PPME1: variants seen among roughly 807,000 people sequenced by gnomAD.
PPME1 encodes the protein protein phosphatase methylesterase 1.
Under a neutral mutation model 56.9 loss-of-function variants are expected in PPME1, and 17 were observed. That is an observed-to-expected ratio of 0.30 (90% CI 0.20 to 0.45). The LOEUF is 0.45. PPME1 is among the 20% of genes least tolerant of loss of function. The pLI, the probability that PPME1 is intolerant of heterozygous loss-of-function variation, is 1.00. For missense variants in PPME1, 357 were observed against 483.2 expected, an observed-to-expected ratio of 0.74 and a Z score of 2.45; for synonymous variants, 122 against 156.2, an observed-to-expected ratio of 0.78 and a Z score of 1.63.
chr11:74,217,838 AT>A (rs1445167795), intron 3 of PPME1, among the ~76,000 whole-genome samples: 3 of 152,298 alleles, frequency 2.0e-5, no homozygotes, highest in African/African-American at 7.2e-5. Flanking sequence ...AGGATGATAA[AT>A]GAAAAGTTGA....
Position 74,171,361 on chromosome 11 carries a change from A to G in PPME1, c.-61A>G. 6.5e-7 allele frequency: 1 copy of G among 1,550,290 alleles called. No individual in the cohort carries two copies. Among genetic ancestry groups the G allele is most frequent in the Non-Finnish European group, 8.7e-7 (1 of 1,146,120 alleles). On this transcript the variant is annotated 5_prime_UTR_variant, in exon 1 of 14. Coordinates refer to ENST00000328257, the MANE Select transcript of PPME1 (RefSeq NM_016147.3). Reference sequence around the variant, plus strand: ...GGAGCGAGTCGTGACCGGTTGGGCCACACTCAACGTGGGACGAAGCTTCGC... The same window carrying G: ...GGAGCGAGTCGTGACCGGTTGGGCCGCACTCAACGTGGGACGAAGCTTCGC...
At chr11:74,229,295 C>T (rs1337476141) in intron 5 of PPME1, among the ~76,000 whole-genome samples, 1 of 152,082 alleles carries the variant, frequency 6.6e-6, no homozygotes, top group African/African-American at 2.4e-5. Context: ...GAAGTTGAAC[C>T]AGCCACTCCC....
At position 74,200,357 on chromosome 11, in the gene PPME1, TTGTGTGTGTG is replaced by T. The variant is rs71919163; in HGVS notation, c.102-3336_102-3327del. ...TCTAGTTTATAAACAGTCATGTGTTTTGTGTGTGTGTGTGTGTGTGTGTGTGTGTGTGTGT... is the reference window on the plus strand; with the variant it reads ...TCTAGTTTATAAACAGTCATGTGTTTTGTGTGTGTGTGTGTGTGTGTGTGT... On this transcript the variant is annotated intron_variant, in intron 1 of 13. Transcript: ENST00000328257. Among the ~76,000 whole-genome samples, 1,165 of 145,910 alleles carry T rather than the reference TTGTGTGTGTG, an allele frequency of 8.0e-3. 11 individuals carry two copies. The highest frequency in any genetic ancestry group is 0.021 in the African/African-American group (846 of 39,456).
chr11:74,201,499 G>T lies in PPME1; in HGVS notation c.102-2229G>T, dbSNP rs1294629549. On this transcript the variant is annotated intron_variant, in intron 1 of 13. Transcript: ENST00000328257. ...TTACTTTTCAGAAGCATAAATGACA[G>T]CATGAGAAGATAAAAGGATGAAAGG... is the stretch of plus-strand genomic sequence containing the variant. Among the ~76,000 whole-genome samples the T allele has an allele frequency of 2.0e-5, 3 of 152,178 alleles. No homozygotes were observed. The South Asian group carries it at 6.2e-4, about 32-fold the overall frequency.
intron 1 of PPME1, among the ~76,000 whole-genome samples, chr11:74,177,468 T>G (rs959510997): frequency 6.6e-6 from 1 of 151,974 alleles, no homozygotes; most frequent in Non-Finnish European, 1.5e-5. Flanking sequence ...AAAAAAAGTC[T>G]TCTTTCTCAC....
intron 1 of PPME1, among the ~76,000 whole-genome samples, chr11:74,183,653 A>G (rs891081850): frequency 6.6e-6 from 1 of 152,178 alleles, no homozygotes; most frequent in Non-Finnish European, 1.5e-5. Flanking sequence ...GTATTGTGTC[A>G]TACTTGATAG....
intron 5 of PPME1, among the ~76,000 whole-genome samples, chr11:74,227,966 A>G (rs1042751523): frequency 2.0e-5 from 3 of 152,100 alleles, no homozygotes; most frequent in Non-Finnish European, 2.9e-5. Flanking sequence ...AACCCCTTCA[A>G]TTCAGTTAAT....
Position 74,204,474 on chromosome 11 carries a change from A to C in PPME1, c.288+29A>C. ...AGTAGGTTGTTGATAGTACAAGTTA[A>C]TGTTAGCACTTTTGAACTAATGAAA... is the stretch of plus-strand genomic sequence containing the variant. On this transcript the variant is annotated intron_variant, in intron 3 of 13. Transcript: ENST00000328257. 3 of 1,544,202 alleles carry C rather than the reference A, an allele frequency of 1.9e-6. No individual in the cohort carries two copies. The South Asian group carries it at 3.4e-5, about 18-fold the overall frequency.
chr11:74,181,030 CTT>C (rs1005872237), intron 1 of PPME1, among the ~76,000 whole-genome samples: 22 of 96,138 alleles, frequency 2.3e-4, no homozygotes, highest in African/African-American at 5.6e-4. Flanking sequence ...ATTTTCTTCA[CTT>C]TTTTTTTTTT....
At chr11:74,193,140 T>G (rs565833867) in intron 1 of PPME1, among the ~76,000 whole-genome samples, 1 of 152,360 alleles carries the variant, frequency 6.6e-6, no homozygotes, top group East Asian at 1.9e-4. Flanking sequence ...TTTCACTGTA[T>G]TAATGGTATG....
intron 4 of PPME1, among the ~76,000 whole-genome samples, chr11:74,224,094 T>C (rs1858873027): frequency 6.7e-6 from 1 of 149,896 alleles, no homozygotes; most frequent in Non-Finnish European, 1.5e-5. Context: ...ATTTAAGTCT[T>C]TAATCCATCT....
At chr11:74,174,740 G>T (rs571107657) in intron 1 of PPME1, among the ~76,000 whole-genome samples, 1 of 152,324 alleles carries the variant, frequency 6.6e-6, no homozygotes, top group East Asian at 1.9e-4. Flanking sequence ...AGTAAGTACT[G>T]TGTGCCAGAC....
chr11:74,212,808 ACT>A (rs1858515127), intron 3 of PPME1, among the ~76,000 whole-genome samples: 1 of 152,112 alleles, frequency 6.6e-6, no homozygotes, highest in Admixed American at 6.5e-5. Flanking sequence ...TCCCCTGCTG[ACT>A]AAAGAGCCTT....
At chr11:74,180,874 C>T (rs1857514632) in intron 1 of PPME1, among the ~76,000 whole-genome samples, 1 of 152,144 alleles carries the variant, frequency 6.6e-6, no homozygotes, top group South Asian at 2.1e-4. Flanking sequence ...CAAGCACCTT[C>T]ACCAAGTTTA....
At chr11:74,200,323 T>G (rs946595907) in intron 1 of PPME1, among the ~76,000 whole-genome samples, 3 of 152,022 alleles carry the variant, frequency 2.0e-5, no homozygotes, top group African/African-American at 7.2e-5. Context: ...ACAAAATTAA[T>G]TGAAGTCTTC....
intron 3 of PPME1, among the ~76,000 whole-genome samples, chr11:74,221,037 G>T (rs1436104033): frequency 6.6e-6 from 1 of 152,096 alleles, no homozygotes; most frequent in Non-Finnish European, 1.5e-5. Context: ...ATTGGTGCCA[G>T]ATTTTTATTA....
intron 1 of PPME1, among the ~76,000 whole-genome samples, chr11:74,186,246 A>G (rs150737455): frequency 5.3e-5 from 8 of 152,292 alleles, no homozygotes; most frequent in Non-Finnish European, 1.2e-4. Context: ...GATCATGATC[A>G]TAATAGTTCT....
chr11:74,213,762 A>G (rs959318927), intron 3 of PPME1, among the ~76,000 whole-genome samples: 2 of 152,270 alleles, frequency 1.3e-5, no homozygotes, highest in Non-Finnish European at 2.9e-5. Flanking sequence ...TGCAAGAGCT[A>G]GGTGCTTGGG....
intron 3 of PPME1, among the ~76,000 whole-genome samples, 176 bp downstream of exon 3, chr11:74,204,621 G>A (rs527476507): frequency 6.6e-6 from 1 of 152,234 alleles, no homozygotes; most frequent in South Asian, 2.1e-4. Context: ...AGAGAAGGTT[G>A]GAGGTTTTAT....
Sources: gnomAD v4.1 joint callset for allele counts (sites outside exome capture counted in the v4.1 genomes callset) on GRCh38, gnomAD v4.1.1 for gene constraint, MANE v1.5 for transcripts, NCBI Gene and HGNC (gene_info 2026-07-23, HGNC 2026-07-21) for gene names.